Variants in RGS7 observed in about 807,000 individuals in gnomAD.
RGS7 encodes regulator of G-protein signaling 7.
In RGS7, 27 loss-of-function variants were observed where a neutral mutation model predicts 81.1. The ratio of observed to expected loss-of-function variants is 0.33; its 90% CI spans 0.25 to 0.46. RGS7 has a LOEUF of 0.46. Ranked by LOEUF, RGS7 falls within the 20% of genes least tolerant of loss-of-function variation. The pLI, the probability that RGS7 is intolerant of heterozygous loss-of-function variation, is 1.00. For synonymous variants in RGS7, 208 were observed against 207.7 expected (o/e 1.00, Z -0.01); for missense variants, 396 against 607.4 (o/e 0.65, Z 3.66).
intron 18 of RGS7, among the ~76,000 whole-genome samples, chr1:240,789,526 C>T (rs1330497519): frequency 2.0e-5 from 3 of 152,202 alleles, no homozygotes. Flanking sequence ...CAAGGAACAT[C>T]CCTGAGAAAC....
chr1:240,982,940 A>T (rs1459058364), intron 4 of RGS7, 139 bp downstream of exon 4: 1 of 585,326 alleles, frequency 1.7e-6, no homozygotes, highest in Non-Finnish European at 3.1e-6. Context: ...ATTTATATAA[A>T]TGTTAAAAGC....
intron 3 of RGS7, among the ~76,000 whole-genome samples, chr1:240,990,504 A>T (rs1026233193): frequency 3.9e-5 from 6 of 152,184 alleles, no homozygotes; most frequent in Non-Finnish European, 7.3e-5. Flanking sequence ...ACTCAAAGAA[A>T]CTTCGTGATG....
chr1:240,808,035 C>CAAA (rs34236519), intron 14 of RGS7, among the ~76,000 whole-genome samples: 124 of 66,570 alleles, frequency 1.9e-3, no homozygotes, highest in East Asian at 3.4e-3. Context: ...AACTTCATCT[C>CAAA]AAAAAAAAAA....
intron 2 of RGS7, among the ~76,000 whole-genome samples, chr1:241,310,371 G>A (rs1035431434): frequency 4.6e-5 from 7 of 151,798 alleles, no homozygotes; most frequent in African/African-American, 1.7e-4. Flanking sequence ...GAGAGTGTGT[G>A]TGTGTGTATG....
intron 2 of RGS7, among the ~76,000 whole-genome samples, chr1:241,238,968 T>TCTC (rs1558224470): frequency 1.8e-4 from 3 of 16,254 alleles, no homozygotes; most frequent in African/African-American, 3.2e-4. Context: ...CTCTCTCTCT[T>TCTC]TTTTTTTTTT....
intron 17 of RGS7, among the ~76,000 whole-genome samples, chr1:240,801,027 A>G (rs1687936906): frequency 6.6e-6 from 1 of 152,146 alleles, no homozygotes; most frequent in Non-Finnish European, 1.5e-5. Context: ...TGCTCAGTAG[A>G]TCATTTTCTC....
intron 2 of RGS7, among the ~76,000 whole-genome samples, chr1:241,223,375 C>T (rs1270187500): frequency 1.3e-5 from 2 of 152,086 alleles, no homozygotes; most frequent in Admixed American, 6.6e-5. Context: ...AAGAAAATGT[C>T]CTGATCAAAA....
intron 2 of RGS7, among the ~76,000 whole-genome samples, chr1:241,168,647 T>TA (rs35156190): frequency 6.6e-6 from 1 of 152,030 alleles, no homozygotes; most frequent in Non-Finnish European, 1.5e-5. Context: ...ATAGAGTTAA[T>TA]AAAAAGGAAT....
At chr1:240,782,659 C>A (rs1158848736) in intron 18 of RGS7, among the ~76,000 whole-genome samples, 1 of 152,158 alleles carries the variant, frequency 6.6e-6, no homozygotes, top group East Asian at 1.9e-4. Flanking sequence ...TGGGCTCAAG[C>A]GATCCTCCCA....
intron 2 of RGS7, among the ~76,000 whole-genome samples, chr1:241,259,667 A>AAAAAAAAAAAAAAAATATATAT: frequency 2.0e-4 from 10 of 49,132 alleles, no homozygotes; most frequent in African/African-American, 7.2e-4. Flanking sequence ...AAAAAAAAAA[A>AAAAAAAAAAAAAAAATATATAT]ATATATATAT....
intron 6 of RGS7, among the ~76,000 whole-genome samples, chr1:240,870,516 T>C (rs1326337599): frequency 6.6e-6 from 1 of 152,038 alleles, no homozygotes; most frequent in Non-Finnish European, 1.5e-5. Flanking sequence ...ATTTTATCGT[T>C]ATTATTATTA....
At chr1:241,199,328 T>G (rs1416398108) in intron 2 of RGS7, among the ~76,000 whole-genome samples, 1 of 151,898 alleles carries the variant, frequency 6.6e-6, no homozygotes, top group East Asian at 1.9e-4. Context: ...TGTGGTGGCA[T>G]GCCTATAGTC....
At chr1:241,221,184 G>C (rs2074987723) in intron 2 of RGS7, among the ~76,000 whole-genome samples, 3 of 106,988 alleles carry the variant, frequency 2.8e-5, no homozygotes, top group African/African-American at 8.1e-5. Flanking sequence ...AAAAAAGAAA[G>C]AGAGAAAGAA....
chr1:241,319,889 G>A (rs1185112463), intron 2 of RGS7, among the ~76,000 whole-genome samples: 3 of 152,020 alleles, frequency 2.0e-5, no homozygotes, highest in Admixed American at 6.6e-5. Flanking sequence ...TCAGGAGTTC[G>A]AGACCAGCCT....
intron 3 of RGS7, among the ~76,000 whole-genome samples, chr1:241,016,129 G>A (rs972946240): frequency 6.6e-6 from 1 of 152,218 alleles, no homozygotes; most frequent in Admixed American, 6.5e-5. Flanking sequence ...TGTGTGGGGT[G>A]TGAGGTACGA....
At chr1:240,786,999 A>ACATT (rs1006858196) in intron 18 of RGS7, among the ~76,000 whole-genome samples, 20 of 152,148 alleles carry the variant, frequency 1.3e-4, no homozygotes, top group Middle Eastern at 3.2e-3. Context: ...ACCTTCTGGC[A>ACATT]CATTCTGTCA....
chr1:241,304,504 T>C (rs1472677916), intron 2 of RGS7, among the ~76,000 whole-genome samples: 1 of 152,120 alleles, frequency 6.6e-6, no homozygotes, highest in Non-Finnish European at 1.5e-5. Context: ...TGATGGTTAA[T>C]AGGTTTTATC....
At chr1:240,829,142 CA>C (rs1294192577) in intron 9 of RGS7, among the ~76,000 whole-genome samples, 2 of 152,086 alleles carry the variant, frequency 1.3e-5, no homozygotes, top group African/African-American at 2.4e-5. Context: ...ATGAGGAAAA[CA>C]TTTTTTTTTG....
chr1:241,345,287 T>G (rs971494256), intron 2 of RGS7, among the ~76,000 whole-genome samples: 2 of 152,182 alleles, frequency 1.3e-5, no homozygotes, highest in African/African-American at 4.8e-5. Context: ...TATTGGGTTA[T>G]AACTATGCTT....
Sources: gnomAD v4.1 joint callset for allele counts (sites outside exome capture counted in the v4.1 genomes callset) on GRCh38, gnomAD v4.1.1 for gene constraint, MANE v1.5 for transcripts, NCBI Gene and HGNC (gene_info 2026-07-23, HGNC 2026-07-21) for gene names.